Variants in CLASP1 observed in about 807,000 individuals in gnomAD.
The protein encoded by CLASP1 is cytoplasmic linker associated protein 1, also known as CLIP-associating protein 1.
CLASP1 carries 38 observed loss-of-function variants against 192.3 expected under a neutral mutation model. That is an observed-to-expected ratio of 0.20 (90% CI 0.15 to 0.26). The LOEUF (loss-of-function observed/expected upper bound fraction) is 0.26, where lower values mean the gene tolerates loss of function less well. CLASP1 is among the 10% of genes least tolerant of loss of function. The pLI, the probability that CLASP1 is intolerant of heterozygous loss-of-function variation, is 1.00. For missense variants in CLASP1, 1,433 were observed against 1,932.5 expected (o/e 0.74, Z 4.85); for synonymous variants, 691 against 712.8 (o/e 0.97, Z 0.49).
intron 3 of CLASP1, among the ~76,000 whole-genome samples, chr2:121,529,658 C>T (rs1050499953): frequency 3.3e-5 from 5 of 152,184 alleles, no homozygotes; most frequent in African/African-American, 1.2e-4. Flanking sequence ...GGTTTTGTTT[C>T]ATTTTGCTGA....
At chr2:121,363,051 T>C (rs900543985) in intron 37 of CLASP1, 121 bp downstream of exon 38, 3 of 1,264,088 alleles carry the variant, frequency 2.4e-6, no homozygotes, top group Non-Finnish European at 3.3e-6. Context: ...TATTACGACA[T>C]GGCTGAGTTC....
intron 1 of CLASP1, among the ~76,000 whole-genome samples, chr2:121,606,981 A>G (rs1268591791): frequency 2.0e-5 from 3 of 152,136 alleles, no homozygotes; most frequent in Non-Finnish European, 4.4e-5. Flanking sequence ...GCTTAAACTC[A>G]GGAGGCAGAG....
intron 19 of CLASP1, among the ~76,000 whole-genome samples, chr2:121,441,059 GAA>G (rs1418169990): frequency 6.6e-6 from 1 of 152,098 alleles, no homozygotes; most frequent in Non-Finnish European, 1.5e-5. Context: ...ATACCTTCTA[GAA>G]AAGACTCCAA....
intron 13 of CLASP1, 150 bp downstream of exon 13, chr2:121,458,690 A>G (rs2087214609): frequency 1.8e-6 from 1 of 543,946 alleles, no homozygotes; most frequent in Non-Finnish European, 2.9e-6. Flanking sequence ...AAGTAGGGGG[A>G]AAAGATGATA....
intron 2 of CLASP1, among the ~76,000 whole-genome samples, chr2:121,564,398 A>G (rs2059340492): frequency 6.6e-6 from 1 of 152,196 alleles, no homozygotes; most frequent in Non-Finnish European, 1.5e-5. Context: ...TTCTATAATT[A>G]AGGACTTCAC....
At chr2:121,387,451 T>C (rs1375754674) in intron 31 of CLASP1, among the ~76,000 whole-genome samples, 1 of 152,104 alleles carries the variant, frequency 6.6e-6, no homozygotes, top group African/African-American at 2.4e-5. Context: ...ATGTTGGGTG[T>C]GCTAGAGTGA....
intron 36 of CLASP1, 59 bp downstream of exon 37, chr2:121,365,035 A>C (rs1285093965): frequency 6.7e-7 from 1 of 1,490,868 alleles, no homozygotes; most frequent in Non-Finnish European, 9.3e-7. Context: ...CAATAAGAAA[A>C]GGACATCGTG....
chr2:121,614,501 A>G (rs779884954), intron 1 of CLASP1, among the ~76,000 whole-genome samples: 11 of 152,164 alleles, frequency 7.2e-5, no homozygotes, highest in African/African-American at 1.2e-4. Context: ...GTCTCAAAAA[A>G]CAAAACAAAA....
At chr2:121,434,672 T>G (rs1465437075) in intron 19 of CLASP1, among the ~76,000 whole-genome samples, 1 of 152,226 alleles carries the variant, frequency 6.6e-6, no homozygotes, top group East Asian at 1.9e-4. Flanking sequence ...TTCAAAAGTT[T>G]GCCTACTTGA....
chr2:121,558,017 T>C (rs1159284901), intron 2 of CLASP1, among the ~76,000 whole-genome samples: 2 of 149,614 alleles, frequency 1.3e-5, no homozygotes, highest in Admixed American at 6.6e-5. Flanking sequence ...GAGGCTGAGG[T>C]TGCAGTGAGC....
intron 24 of CLASP1, among the ~76,000 whole-genome samples, chr2:121,408,118 A>T (rs1469906632): frequency 6.6e-6 from 1 of 152,218 alleles, no homozygotes; most frequent in Non-Finnish European, 1.5e-5. Context: ...AAATGAAATT[A>T]TATGTTAAAT....
chr2:121,403,973 A>C (rs1208654091), intron 26 of CLASP1, among the ~76,000 whole-genome samples: 1 of 152,178 alleles, frequency 6.6e-6, no homozygotes, highest in Admixed American at 6.5e-5. Flanking sequence ...CATATTCTAC[A>C]CGGGATACAA....
chr2:121,344,098 T>G (rs1167942336), intron 39 of CLASP1, among the ~76,000 whole-genome samples: 1 of 151,908 alleles, frequency 6.6e-6, no homozygotes, highest in Non-Finnish European at 1.5e-5. Flanking sequence ...ATGGTAAATT[T>G]TATTATACCA....
chr2:121,452,501 C>CT (rs1312447882), intron 14 of CLASP1, among the ~76,000 whole-genome samples: 2 of 152,154 alleles, frequency 1.3e-5, no homozygotes, highest in Non-Finnish European at 2.9e-5. Context: ...ACAAAATTTT[C>CT]TTTTTCTGGC....
At chr2:121,350,436 G>A (rs1357473887) in intron 37 of CLASP1, among the ~76,000 whole-genome samples, 1 of 152,214 alleles carries the variant, frequency 6.6e-6, no homozygotes, top group Non-Finnish European at 1.5e-5. Context: ...ACAGGCCCAG[G>A]GCTGGGCTCA....
At chr2:121,574,472 T>C (rs1183763611) in intron 2 of CLASP1, among the ~76,000 whole-genome samples, 8 of 151,124 alleles carry the variant, frequency 5.3e-5, no homozygotes, top group African/African-American at 1.9e-4. Flanking sequence ...CTGTCTCCAC[T>C]AAAAATACAA....
intron 8 of CLASP1, among the ~76,000 whole-genome samples, chr2:121,500,400 A>T (rs867908908): frequency 1.5e-5 from 2 of 135,596 alleles, no homozygotes; most frequent in Non-Finnish European, 3.3e-5. Context: ...AAGAAAGAAA[A>T]GAAAGAAAGA....
chr2:121,630,141 A>G (rs1234094697), intron 1 of CLASP1, among the ~76,000 whole-genome samples: 1 of 151,946 alleles, frequency 6.6e-6, no homozygotes, highest in East Asian at 2.0e-4. Context: ...GCTGGTCTCA[A>G]ACTCCTGACC....
chr2:121,495,331 A>AAATAAATAAATG (rs1303314295), intron 8 of CLASP1, among the ~76,000 whole-genome samples: 1 of 151,208 alleles, frequency 6.6e-6, no homozygotes, highest in African/African-American at 2.4e-5. Flanking sequence ...TCTAAAACAT[A>AAATAAATAAATG]AATAAATAAA....
Sources: allele counts gnomAD v4.1 joint callset (sites outside exome capture counted in the v4.1 genomes callset), GRCh38; gene constraint gnomAD v4.1.1; transcripts MANE v1.5; gene names NCBI Gene and HGNC (gene_info 2026-07-23, HGNC 2026-07-21).